Variants in PARN observed in about 807,000 individuals in gnomAD.
PARN encodes poly(A)-specific ribonuclease PARN.
In PARN, 71 loss-of-function variants were observed where a neutral mutation model predicts 102.8. The observed-to-expected ratio is 0.69, with a 90% CI of 0.57 to 0.84. The LOEUF (loss-of-function observed/expected upper bound fraction) is 0.84. Ranked by LOEUF, PARN falls within the 40% of genes least tolerant of loss-of-function variation. PARN has a pLI of 0.00. For synonymous variants in PARN, 261 were observed against 252.9 expected (o/e 1.03, Z -0.30); for missense variants, 782 against 760.9 (o/e 1.03, Z -0.33).
chr16:14,459,268 A>G (rs1011500215), intron 22 of PARN, among the ~76,000 whole-genome samples: 4 of 152,230 alleles, frequency 2.6e-5, no homozygotes, highest in Non-Finnish European at 5.9e-5. Flanking sequence ...TCAAACGAAA[A>G]ATATCCAATA....
intron 1 of PARN, 38 bp from the exon 2 acceptor site, chr16:14,629,712 C>G: frequency 6.9e-7 from 1 of 1,457,214 alleles, no homozygotes; most frequent in Non-Finnish European, 9.6e-7. Context: ...AACCAGTGGC[C>G]TGAATTCCTG....
intron 22 of PARN, 45 bp downstream of exon 22, chr16:14,482,593 T>C (rs756521442): frequency 2.1e-6 from 3 of 1,431,144 alleles, no homozygotes; most frequent in African/African-American, 1.4e-5. Context: ...AGAAAAGCCA[T>C]TGCTAGAACT....
chr16:14,464,732 G>C (rs1433698196), intron 22 of PARN, among the ~76,000 whole-genome samples: 2 of 152,020 alleles, frequency 1.3e-5, no homozygotes, highest in Non-Finnish European at 2.9e-5. Context: ...CTCCAGCCTG[G>C]GCAACAGAGG....
intron 21 of PARN, among the ~76,000 whole-genome samples, chr16:14,533,205 A>T (rs1966446203): frequency 6.6e-6 from 1 of 152,090 alleles, no homozygotes; most frequent in African/African-American, 2.4e-5. Flanking sequence ...GGAGCTGGAG[A>T]CCAGCCCGGC....
chr16:14,448,404 C>T (rs1038955054), intron 22 of PARN, among the ~76,000 whole-genome samples: 2 of 152,182 alleles, frequency 1.3e-5, no homozygotes, highest in African/African-American at 2.4e-5. Context: ...AACTTGGCCT[C>T]CCAAAGTGCT....
intron 22 of PARN, among the ~76,000 whole-genome samples, chr16:14,451,037 T>C (rs1961420905): frequency 6.6e-6 from 1 of 152,170 alleles, no homozygotes; most frequent in African/African-American, 2.4e-5. Context: ...GGATCCTCTA[T>C]CATCTGGGTC....
At chr16:14,533,931 G>A (rs1010944392) in intron 21 of PARN, among the ~76,000 whole-genome samples, 2 of 152,062 alleles carry the variant, frequency 1.3e-5, no homozygotes, top group Admixed American at 6.5e-5. Flanking sequence ...CAGTACAAAG[G>A]CAAATATTGG....
intron 13 of PARN, among the ~76,000 whole-genome samples, chr16:14,588,736 G>A (rs893054450): frequency 6.6e-6 from 1 of 152,048 alleles, no homozygotes; most frequent in Non-Finnish European, 1.5e-5. Context: ...ACAAAAATTA[G>A]CCAGATGTGG....
At chr16:14,457,008 G>A (rs200538103) in intron 22 of PARN, among the ~76,000 whole-genome samples, 9 of 152,114 alleles carry the variant, frequency 5.9e-5, no homozygotes, top group African/African-American at 1.9e-4. Context: ...TGTGCTCTCC[G>A]TACCTGGCAC....
At chr16:14,630,079 G>A in intron 1 of PARN, 28 bp downstream of exon 1, 2 of 1,550,046 alleles carry the variant, frequency 1.3e-6, no homozygotes, top group Non-Finnish European at 1.7e-6. Flanking sequence ...GGTGTGGGGA[G>A]GCGGGGAGGT....
chr16:14,544,278 G>A (rs1966861075), intron 21 of PARN, among the ~76,000 whole-genome samples: 1 of 152,204 alleles, frequency 6.6e-6, no homozygotes, highest in South Asian at 2.1e-4. Flanking sequence ...ATAAATAGAA[G>A]GAAAAGACCA....
intron 13 of PARN, among the ~76,000 whole-genome samples, chr16:14,590,368 C>CTCA (rs1970118459): frequency 6.6e-6 from 1 of 150,722 alleles, no homozygotes; most frequent in African/African-American, 2.4e-5. Flanking sequence ...GACGTGGTGG[C>CTCA]TCACGCCTGT....
intron 13 of PARN, among the ~76,000 whole-genome samples, chr16:14,587,762 A>G (rs1969948675): frequency 6.6e-6 from 1 of 152,278 alleles, no homozygotes. Context: ...CTTACCAGGT[A>G]GCCTTAGTAA....
intron 12 of PARN, among the ~76,000 whole-genome samples, chr16:14,597,492 C>T (rs1970594123): frequency 6.6e-6 from 1 of 151,874 alleles, no homozygotes. Flanking sequence ...GTCAGGAGAC[C>T]GAGACCATCC....
intron 16 of PARN, among the ~76,000 whole-genome samples, chr16:14,582,767 CA>C (rs1165887023): frequency 2.0e-5 from 3 of 152,058 alleles, no homozygotes; most frequent in African/African-American, 7.2e-5. Flanking sequence ...TGACCTTGGG[CA>C]AGTCACTTCA....
chr16:14,502,309 A>G (rs1180628417), intron 21 of PARN, among the ~76,000 whole-genome samples: 1 of 152,228 alleles, frequency 6.6e-6, no homozygotes, highest in Non-Finnish European at 1.5e-5. Flanking sequence ...CTCTCAGTGA[A>G]GCCAACACAG....
chr16:14,445,318 A>G (rs1233982103), intron 23 of PARN, among the ~76,000 whole-genome samples: 1 of 152,192 alleles, frequency 6.6e-6, no homozygotes, highest in Non-Finnish European at 1.5e-5. Flanking sequence ...ATTAATATCC[A>G]TGAGATTCAG....
intron 23 of PARN, among the ~76,000 whole-genome samples, chr16:14,440,783 T>A (rs1596419519): frequency 6.6e-6 from 1 of 152,182 alleles, no homozygotes; most frequent in East Asian, 1.9e-4. Flanking sequence ...ATTCCAGGTA[T>A]ATGACATTCT....
intron 10 of PARN, 65 bp downstream of exon 10, chr16:14,606,419 A>T: frequency 1.1e-6 from 1 of 878,848 alleles, no homozygotes; most frequent in Non-Finnish European, 1.7e-6. Context: ...GAAAAAAAAA[A>T]GAAACCCCTA....
Sources: allele counts gnomAD v4.1 joint callset (sites outside exome capture counted in the v4.1 genomes callset), GRCh38; gene constraint gnomAD v4.1.1; transcripts MANE v1.5; gene names NCBI Gene and HGNC (gene_info 2026-07-23, HGNC 2026-07-21).